Variants in SCHIP1 observed in about 807,000 individuals in gnomAD.
The protein encoded by SCHIP1 is schwannomin interacting protein 1.
A neutral mutation model predicts 29.7 loss-of-function variants in SCHIP1; 8 were observed. That is an observed-to-expected ratio of 0.27 (90% CI 0.16 to 0.49). SCHIP1 has a LOEUF of 0.49. Ranked by LOEUF, SCHIP1 falls within the 20% of genes least tolerant of loss-of-function variation. The probability of loss-of-function intolerance (pLI) is 0.99; values close to 1 mark genes in which losing one functional copy is unlikely to be tolerated. For missense variants in SCHIP1, 193 were observed against 294.6 expected, an observed-to-expected ratio of 0.66 and a Z score of 2.52; for synonymous variants, 76 against 94.9, an observed-to-expected ratio of 0.80 and a Z score of 1.16.
the SCHIP1 span, among the ~76,000 whole-genome samples, chr3:159,458,274 C>G: frequency 1.3e-5 from 2 of 152,200 alleles, no homozygotes; most frequent in Non-Finnish European, 2.9e-5. Flanking sequence ...ACCACGCCTG[C>G]CTAACCACAT....
chr3:159,781,846 G>C, the SCHIP1 span, among the ~76,000 whole-genome samples: 1 of 152,132 alleles, frequency 6.6e-6, no homozygotes, highest in Non-Finnish European at 1.5e-5. Context: ...TGTGGCACAG[G>C]ACCAGTAGCC....
chr3:159,696,267 T>G, the SCHIP1 span, among the ~76,000 whole-genome samples: 2 of 152,124 alleles, frequency 1.3e-5, no homozygotes, highest in Admixed American at 1.3e-4. Context: ...TACAGGACAG[T>G]GTGTAGCTCC....
chr3:159,581,839 G>T, the SCHIP1 span, among the ~76,000 whole-genome samples: 2 of 152,268 alleles, frequency 1.3e-5, no homozygotes, highest in African/African-American at 2.4e-5. Context: ...ATCTCAAAAT[G>T]AAAGTTTTAA....
the SCHIP1 span, among the ~76,000 whole-genome samples, chr3:159,612,678 C>T: frequency 2.6e-5 from 4 of 152,014 alleles, no homozygotes; most frequent in Admixed American, 6.6e-5. Flanking sequence ...ACCGGGGAGG[C>T]GGAGGTTGCA....
At chr3:159,472,770 A>G in the SCHIP1 span, among the ~76,000 whole-genome samples, 6 of 152,186 alleles carry the variant, frequency 3.9e-5, no homozygotes, top group Non-Finnish European at 8.8e-5. Flanking sequence ...AGGAGCCACC[A>G]GTACCGACCT....
At chr3:159,319,346 G>T in the SCHIP1 span, among the ~76,000 whole-genome samples, 3 of 152,172 alleles carry the variant, frequency 2.0e-5, no homozygotes, top group African/African-American at 7.2e-5. Flanking sequence ...AGCAATAAAG[G>T]TCAGTGTAAC....
chr3:159,493,065 AC>A, the SCHIP1 span, among the ~76,000 whole-genome samples: 1 of 152,210 alleles, frequency 6.6e-6, no homozygotes, highest in Non-Finnish European at 1.5e-5. Context: ...TGATTTTGTC[AC>A]CACCAGGCCT....
At chr3:159,469,112 G>T in the SCHIP1 span, among the ~76,000 whole-genome samples, 1 of 151,988 alleles carries the variant, frequency 6.6e-6, no homozygotes, top group South Asian at 2.1e-4. Flanking sequence ...AACAACTGTG[G>T]TCTACTCATT....
the SCHIP1 span, among the ~76,000 whole-genome samples, chr3:159,526,335 A>AT: frequency 6.6e-6 from 1 of 151,778 alleles, no homozygotes; most frequent in African/African-American, 2.4e-5. Flanking sequence ...TGCCCGGCTA[A>AT]TTTTTTTATT....
chr3:159,762,895 A>C, the SCHIP1 span, among the ~76,000 whole-genome samples: 21,374 of 152,186 alleles, frequency 0.14, 1,725 homozygotes, highest in Middle Eastern at 0.3. Flanking sequence ...CCCTCACCTG[A>C]TATCTACCTC....
the SCHIP1 span, among the ~76,000 whole-genome samples, chr3:159,617,167 G>A: frequency 5.3e-5 from 8 of 152,272 alleles, no homozygotes; most frequent in South Asian, 8.3e-4. Context: ...AAAACAGAGA[G>A]CTAGAGATAT....
At chr3:159,878,793 T>TAAAATAAA (rs200126180) in intron 2 of SCHIP1, among the ~76,000 whole-genome samples, 1 of 142,570 alleles carries the variant, frequency 7.0e-6, no homozygotes, top group Non-Finnish European at 1.5e-5. Flanking sequence ...AAAAATAAAA[T>TAAAATAAA]AAAATAAAAA....
At chr3:159,574,443 C>CAG in the SCHIP1 span, among the ~76,000 whole-genome samples, 2 of 152,184 alleles carry the variant, frequency 1.3e-5, no homozygotes, top group Non-Finnish European at 2.9e-5. Flanking sequence ...GCAGAGGCTT[C>CAG]AGAACAGCAA....
chr3:159,896,610 A>G (rs1212621866), intron 6 of SCHIP1, 113 bp from the exon 8 acceptor site: 11 of 1,036,642 alleles, frequency 1.1e-5, no homozygotes, highest in African/African-American at 4.9e-5. Flanking sequence ...ATTCTAATCT[A>G]TTTCACTGTC....
At chr3:159,632,178 G>C in the SCHIP1 span, among the ~76,000 whole-genome samples, 375 of 152,248 alleles carry the variant, frequency 2.5e-3, 3 homozygotes, top group African/African-American at 8.4e-3. Context: ...GCTATGTGTC[G>C]TCTTGCCCTA....
the SCHIP1 span, among the ~76,000 whole-genome samples, chr3:159,279,510 A>G: frequency 6.6e-6 from 1 of 152,198 alleles, no homozygotes; most frequent in African/African-American, 2.4e-5. Flanking sequence ...GAAATAAGAA[A>G]ATAAAATAGA....
At chr3:159,531,828 A>G in the SCHIP1 span, among the ~76,000 whole-genome samples, 2 of 152,200 alleles carry the variant, frequency 1.3e-5, no homozygotes, top group African/African-American at 4.8e-5. Context: ...TTTAAGCATA[A>G]TACCAAACCA....
the SCHIP1 span, among the ~76,000 whole-genome samples, chr3:159,558,160 G>A: frequency 1.2e-4 from 18 of 152,138 alleles, no homozygotes; most frequent in Non-Finnish European, 1.9e-4. Flanking sequence ...GCCATAAGGG[G>A]GTTTGAGGAA....
At chr3:159,348,183 G>T in the SCHIP1 span, among the ~76,000 whole-genome samples, 10 of 151,952 alleles carry the variant, frequency 6.6e-5, no homozygotes, top group Non-Finnish European at 1.2e-4. Flanking sequence ...AAACTTATTG[G>T]TGACAGACAC....
Sources: allele counts gnomAD v4.1 joint callset (sites outside exome capture counted in the v4.1 genomes callset), GRCh38; gene constraint gnomAD v4.1.1; transcripts MANE v1.5; gene names NCBI Gene and HGNC (gene_info 2026-07-23, HGNC 2026-07-21).